DLEC1: variants seen among roughly 807,000 people sequenced by gnomAD.
DLEC1 encodes the protein DLEC1 cilia and flagella associated protein.
Under a neutral mutation model 198.1 loss-of-function variants are expected in DLEC1, and 146 were observed. That is an observed-to-expected ratio of 0.74 (90% CI 0.64 to 0.85). The LOEUF (loss-of-function observed/expected upper bound fraction) is 0.85. Among genes scored for constraint, DLEC1 ranks in the 40% least tolerant of loss-of-function variants. DLEC1 has a pLI of 0.00. For missense variants in DLEC1, 2,233 were observed against 2,220.0 expected, an observed-to-expected ratio of 1.01 and a Z score of -0.12; for synonymous variants, 897 against 866.8, an observed-to-expected ratio of 1.03 and a Z score of -0.61.
At chr3:38,090,759 T>C (rs1162980361) in intron 10 of DLEC1, among the ~76,000 whole-genome samples, 2 of 152,258 alleles carry the variant, frequency 1.3e-5, no homozygotes, top group Non-Finnish European at 2.9e-5. Context: ...TCTGTTTCTT[T>C]ACACCTTTGC....
intron 6 of DLEC1, among the ~76,000 whole-genome samples, chr3:38,069,936 T>TG (rs1239100122): frequency 4.6e-5 from 7 of 152,166 alleles, no homozygotes; most frequent in Non-Finnish European, 8.8e-5. Flanking sequence ...TTTTATCTGG[T>TG]GGGGGGCTGG....
chr3:38,089,169 A>T (rs1479746088), intron 10 of DLEC1, among the ~76,000 whole-genome samples: 2 of 152,194 alleles, frequency 1.3e-5, no homozygotes, highest in Non-Finnish European at 2.9e-5. Flanking sequence ...CCTGTGCCAT[A>T]TCACCAGGTA....
intron 10 of DLEC1, among the ~76,000 whole-genome samples, chr3:38,092,534 C>A (rs1698794674): frequency 6.6e-6 from 1 of 152,094 alleles, no homozygotes; most frequent in African/African-American, 2.4e-5. Context: ...TATGTGTTGT[C>A]ATTCATTTAA....
chr3:38,080,802 C>A (rs934954143), intron 6 of DLEC1, among the ~76,000 whole-genome samples: 1 of 112,798 alleles, frequency 8.9e-6, no homozygotes, highest in African/African-American at 3.4e-5. Context: ...TTCGGGTGTT[C>A]TTTTTTTTTT....
Position 38,056,097 on chromosome 3 carries a change from AC to A in DLEC1, c.563-3644del, listed in dbSNP as rs1559400114. Reference sequence around the variant, plus strand: ...CACACACACACACACACACACACACACACACACACACACACACACAAATAGC... The same window carrying A: ...CACACACACACACACACACACACACAACACACACACACACACACAAATAGC... On this transcript the variant is annotated intron_variant, in intron 2 of 36. Transcript: ENST00000308059. Among the ~76,000 whole-genome samples, 44 of 150,826 alleles carry A rather than the reference AC, an allele frequency of 2.9e-4. 1 individual carries two copies. The highest frequency in any genetic ancestry group is 9.8e-4 in the African/African-American group (40 of 40,854).
chr3:38,060,620 A>C (rs1696628316), intron 3 of DLEC1, among the ~76,000 whole-genome samples: 1 of 151,934 alleles, frequency 6.6e-6, no homozygotes. Context: ...AGTTCCACTG[A>C]TGGTCTGAGC....
chr3:38,076,986 G>T (rs2125646925), intron 6 of DLEC1, among the ~76,000 whole-genome samples: 1 of 152,224 alleles, frequency 6.6e-6, no homozygotes. Context: ...ATTGGTGATG[G>T]CCTGGATACA....
Position 38,112,870 on chromosome 3 carries a change from C to G in DLEC1, c.3666+509C>G, listed in dbSNP as rs1431461687. On this transcript the variant is annotated intron_variant, in intron 25 of 36. Coordinates refer to ENST00000308059, the MANE Select transcript of DLEC1 (RefSeq NM_007335.4). The surrounding 1 kb of genome is among the most constrained non-coding windows in gnomAD (Gnocchi z 4.8). ...ATACAGGGATGAATAAGGTAACCAG[C>G]AAGGCACCCCTAGTTTAGTCTGGAG... Among the ~76,000 whole-genome samples, 1 of 152,178 alleles carries G rather than the reference C, an allele frequency of 6.6e-6. No individual in the cohort carries two copies. Among genetic ancestry groups the G allele is most frequent in the East Asian group, 1.9e-4 (1 of 5,188 alleles).
At chr3:38,108,299 T>C in intron 20 of DLEC1, 106 bp from the exon 21 acceptor site, 2 of 930,088 alleles carry the variant, frequency 2.2e-6, no homozygotes, top group Non-Finnish European at 3.3e-6. Context: ...TGGGCCCCAG[T>C]CTGCCAGTCT....
intron 6 of DLEC1, among the ~76,000 whole-genome samples, 155 bp from the exon 7 acceptor site, chr3:38,084,003 G>A (rs1698207500): frequency 6.6e-6 from 1 of 152,066 alleles, no homozygotes. Flanking sequence ...GAATCCCCAT[G>A]TACCCCTCAG....
chr3:38,095,068 T>A lies in DLEC1; in HGVS notation c.2109T>A (p.His703Gln). 1 of 1,614,190 alleles carries A rather than the reference T, an allele frequency of 6.2e-7. No homozygotes were observed. The highest frequency in any genetic ancestry group is 8.5e-7 in the Non-Finnish European group (1 of 1,180,006). The stretch of plus-strand genomic sequence containing the variant: ...AGTTCATCCTGAGCTTTTCTCCTCA[T>A]GAGGTTCAGATGGTGTCATCTCAGT... ...DHEFILSFSP[H>Q]ELRDFHSVLQ... The change falls in exon 13 of 37, where the codon CAT becomes CAA. Residue 703 changes from histidine to glutamine, a missense_variant. Coordinates refer to ENST00000308059, the MANE Select transcript of DLEC1 (RefSeq NM_007335.4).
chr3:38,075,943 G>T (rs1002640968), intron 6 of DLEC1, among the ~76,000 whole-genome samples: 2 of 152,176 alleles, frequency 1.3e-5, no homozygotes, highest in Non-Finnish European at 2.9e-5. Flanking sequence ...ACCAAGGCAG[G>T]TGTCCTTGTG....
intron 6 of DLEC1, among the ~76,000 whole-genome samples, chr3:38,072,600 T>A (rs1165302883): frequency 6.6e-6 from 1 of 152,110 alleles, no homozygotes; most frequent in African/African-American, 2.4e-5. Context: ...GGATTTAGGA[T>A]CTATGGGGTC....
Position 38,123,179 on chromosome 3 carries a change from C to T in DLEC1, c.*767C>T. 1 of 1,527,150 alleles carries T rather than the reference C, an allele frequency of 6.5e-7. No individual in the cohort carries two copies. Among genetic ancestry groups the T allele is most frequent in the South Asian group, 1.1e-5 (1 of 89,314 alleles). The allele number at this position is 1,527,150 out of a possible 1,614,324, so 94.6% of individuals were successfully genotyped here. ...AGGCACCCACCAAATTACCTCCAGA[C>T]CAGGCTGACCCAGAAGGACGTCATG... On this transcript the variant is annotated 3_prime_UTR_variant, in exon 37 of 37. Transcript: ENST00000308059.
intron 15 of DLEC1, 140 bp from the exon 16 acceptor site, chr3:38,097,042 C>T (rs1193488689): frequency 2.5e-5 from 22 of 882,024 alleles, no homozygotes; most frequent in Non-Finnish European, 3.8e-5. Flanking sequence ...TTGGGAGGCC[C>T]ATGGCTTTGG....
In DLEC1 at chr3:38,085,430, C is replaced by T. The variant is rs377102519; in HGVS notation, c.1418C>T (p.Pro473Leu). 23 of 1,613,962 alleles carry T rather than the reference C, an allele frequency of 1.4e-5. No individual in the cohort carries two copies. In the East Asian group the frequency reaches 2.5e-4, roughly 17 times the overall value. Reference protein sequence around the residue: ...TLLIPLQARRPPPVLTLSPVL... With the variant: ...TLLIPLQARRLPPVLTLSPVL... ...CTGATCCCCCTGCAGGCCCGGAGGCCGCCCCCCGTGCTGACATGTGAGTGT... is the reference window on the plus strand; with the variant it reads ...CTGATCCCCCTGCAGGCCCGGAGGCTGCCCCCCGTGCTGACATGTGAGTGT... Residue 473 changes from proline to leucine, a missense_variant, in exon 8 of 37, where the codon CCG (proline) becomes CTG (leucine). By Grantham distance (98) the Pro-to-Leu change is moderately conservative (BLOSUM62 -3). Transcript: ENST00000308059.
intron 26 of DLEC1, 131 bp downstream of exon 26, chr3:38,114,591 G>A: frequency 1.1e-6 from 1 of 891,490 alleles, no homozygotes; most frequent in Non-Finnish European, 1.8e-6. Context: ...CTACAAGAAG[G>A]TTCCAGGCCA....
chr3:38,041,965 A>G (rs1393607164), intron 1 of DLEC1, among the ~76,000 whole-genome samples: 1 of 151,968 alleles, frequency 6.6e-6, no homozygotes, highest in Non-Finnish European at 1.5e-5. Context: ...TTATACCTGC[A>G]TTGTAGACAA....
chr3:38,051,280 C>T (rs1231724632), intron 2 of DLEC1, among the ~76,000 whole-genome samples: 7 of 152,224 alleles, frequency 4.6e-5, no homozygotes, highest in Non-Finnish European at 8.8e-5. Flanking sequence ...TCTGTTCGGG[C>T]GCTGGTGACA....
Sources: allele counts gnomAD v4.1 joint callset (sites outside exome capture counted in the v4.1 genomes callset), GRCh38; gene constraint gnomAD v4.1.1; non-coding constraint Gnocchi (gnomAD v3.1); transcripts MANE v1.5; gene names NCBI Gene and HGNC (gene_info 2026-07-23, HGNC 2026-07-21).